Variants in TMCC1 observed in about 807,000 individuals in gnomAD.
The protein encoded by TMCC1 is transmembrane and coiled-coil domain family 1.
Under a neutral mutation model 52.4 loss-of-function variants are expected in TMCC1, and 15 were observed. That is an observed-to-expected ratio of 0.29 (90% CI 0.19 to 0.44). TMCC1 has a LOEUF of 0.44. TMCC1 is among the 20% of genes least tolerant of loss of function. The pLI is 1.00. For missense variants in TMCC1, 503 were observed against 806.0 expected (o/e 0.62, Z 4.55); for synonymous variants, 279 against 301.9 (o/e 0.92, Z 0.79).
rs187275301 is a variant in TMCC1, at chr3:129,673,143, A to G, written c.577-1879T>C. On this transcript the variant is annotated intron_variant, in intron 4 of 6. Transcript: ENST00000393238. ...AATATCTGGAATAGTTACTAGCACA[A>G]TAACTGTTTTGTGTCACTTCCTCCT... Among the ~76,000 whole-genome samples the G allele has an allele frequency of 1.6e-4, 25 of 152,320 alleles. No homozygotes were observed. In the East Asian group the frequency reaches 3.7e-3, roughly 22 times the overall value.
intron 5 of TMCC1, among the ~76,000 whole-genome samples, chr3:129,665,785 C>T (rs1251790770): frequency 6.6e-6 from 1 of 152,146 alleles, no homozygotes; most frequent in African/African-American, 2.4e-5. Flanking sequence ...TGAGTGACCT[C>T]TGGCAACTTT....
At chr3:129,889,275 A>C (rs2061856957) in intron 1 of TMCC1, among the ~76,000 whole-genome samples, 1 of 152,324 alleles carries the variant, frequency 6.6e-6, no homozygotes, top group Non-Finnish European at 1.5e-5. Context: ...CTGTCTCAAA[A>C]AAACAAACAA....
chr3:129,854,335 G>A (rs2060050547), intron 2 of TMCC1, among the ~76,000 whole-genome samples: 1 of 150,426 alleles, frequency 6.6e-6, no homozygotes, highest in Admixed American at 6.7e-5. Context: ...GAAGGGTGAG[G>A]CAAGATCACG....
rs1234643403 is a variant in TMCC1 at position 129,893,624 on chromosome 3, C to T, written c.-565G>A. 12 of 153,000 alleles carry T rather than the reference C, an allele frequency of 7.8e-5. No homozygotes were observed. Among genetic ancestry groups the T allele is most frequent in the African/African-American group, 2.9e-4 (12 of 41,390 alleles). 9.5% of individuals were successfully genotyped at this position (153,000 alleles called of 1,614,324 possible). ...CCACCCCCCCCTCCCGACCCTCCCCCCGCGCCGCCTCAGCCGCCGCCGCCT... is the reference window on the plus strand; with the variant it reads ...CCACCCCCCCCTCCCGACCCTCCCCTCGCGCCGCCTCAGCCGCCGCCGCCT... On this transcript the variant is annotated 5_prime_UTR_variant, in exon 1 of 7. Coordinates refer to ENST00000393238, the MANE Select transcript of TMCC1 (RefSeq NM_001017395.5).
chr3:129,692,929 A>G (rs1039847281), intron 4 of TMCC1, among the ~76,000 whole-genome samples: 1 of 152,056 alleles, frequency 6.6e-6, no homozygotes, highest in African/African-American at 2.4e-5. Flanking sequence ...TGCAATGTCC[A>G]TCTCCCGGGC....
At chr3:129,683,249 CT>C (rs1317490541) in intron 4 of TMCC1, among the ~76,000 whole-genome samples, 1 of 152,218 alleles carries the variant, frequency 6.6e-6, no homozygotes, top group African/African-American at 2.4e-5. Flanking sequence ...AAACAGTCTC[CT>C]TTTTTCCATT....
chr3:129,855,337 T>C (rs1482393712), intron 2 of TMCC1, among the ~76,000 whole-genome samples: 1 of 152,200 alleles, frequency 6.6e-6, no homozygotes, highest in Non-Finnish European at 1.5e-5. Context: ...TTCTTAATAC[T>C]TCATGTCAAG....
chr3:129,723,601 A>G (rs887769673), intron 4 of TMCC1, among the ~76,000 whole-genome samples: 1 of 152,174 alleles, frequency 6.6e-6, no homozygotes, highest in African/African-American at 2.4e-5. Flanking sequence ...TTACTCTGCA[A>G]TGAAGCAGCC....
chr3:129,838,623 C>T (rs959884145), intron 2 of TMCC1, among the ~76,000 whole-genome samples: 14 of 150,992 alleles, frequency 9.3e-5, no homozygotes, highest in Non-Finnish European at 1.6e-4. Flanking sequence ...TGTGGTGGTG[C>T]GTGCCTGTAA....
intron 4 of TMCC1, among the ~76,000 whole-genome samples, chr3:129,700,038 T>C (rs1367041505): frequency 6.6e-6 from 1 of 152,188 alleles, no homozygotes. Flanking sequence ...GTTTACTTAA[T>C]ATACCCTTAA....
chr3:129,721,038 T>A (rs999980495), intron 4 of TMCC1, among the ~76,000 whole-genome samples: 9 of 152,146 alleles, frequency 5.9e-5, no homozygotes, highest in African/African-American at 2.2e-4. Flanking sequence ...AATAGATAAC[T>A]GATACACTGT....
intron 4 of TMCC1, among the ~76,000 whole-genome samples, chr3:129,729,849 C>T (rs1208835498): frequency 6.6e-6 from 1 of 151,600 alleles, no homozygotes; most frequent in Admixed American, 6.6e-5. Flanking sequence ...GTGGCTCATG[C>T]CTGTAATCCC....
chr3:129,684,326 CTG>C (rs2089245254), intron 4 of TMCC1, among the ~76,000 whole-genome samples: 1 of 152,312 alleles, frequency 6.6e-6, no homozygotes, highest in Middle Eastern at 3.4e-3. Context: ...GCTTAAGCCT[CTG>C]TGAGGGAATT....
At chr3:129,892,346 GTTA>G (rs1560635630) in intron 1 of TMCC1, among the ~76,000 whole-genome samples, 3 of 152,122 alleles carry the variant, frequency 2.0e-5, no homozygotes, top group East Asian at 1.9e-4. Flanking sequence ...AGAGGACAGG[GTTA>G]TTAAGTTAAA....
intron 4 of TMCC1, among the ~76,000 whole-genome samples, chr3:129,761,057 G>T (rs1031303288): frequency 6.6e-6 from 1 of 151,976 alleles, no homozygotes; most frequent in Non-Finnish European, 1.5e-5. Context: ...CGGGCGCGGT[G>T]GCTCACGCCT....
intron 2 of TMCC1, among the ~76,000 whole-genome samples, chr3:129,865,438 A>AC (rs1234416930): frequency 6.6e-6 from 1 of 152,034 alleles, no homozygotes; most frequent in African/African-American, 2.4e-5. Flanking sequence ...GGCGTGAGCC[A>AC]CCACTCCTGG....
At chr3:129,732,442 G>A (rs2050616903) in intron 4 of TMCC1, among the ~76,000 whole-genome samples, 1 of 152,120 alleles carries the variant, frequency 6.6e-6, no homozygotes, top group South Asian at 2.1e-4. Flanking sequence ...ATTTCTCAAA[G>A]TCTAGGTATA....
intron 2 of TMCC1, among the ~76,000 whole-genome samples, chr3:129,841,119 T>C (rs368701698): frequency 1.8e-4 from 27 of 152,318 alleles, no homozygotes; most frequent in African/African-American, 6.0e-4. Flanking sequence ...GAGAAACTTA[T>C]TGTGAACTGG....
At chr3:129,703,135 A>C (rs2047967866) in intron 4 of TMCC1, among the ~76,000 whole-genome samples, 1 of 152,232 alleles carries the variant, frequency 6.6e-6, no homozygotes, top group Non-Finnish European at 1.5e-5. Context: ...CCCACATACA[A>C]AGGCTTCATT....
Sources: gnomAD v4.1 joint callset for allele counts (sites outside exome capture counted in the v4.1 genomes callset) on GRCh38, gnomAD v4.1.1 for gene constraint, MANE v1.5 for transcripts, NCBI Gene and HGNC (gene_info 2026-07-23, HGNC 2026-07-21) for gene names.